The following ESR1 variants were observed in gnomAD, a reference collection of about 807,000 sequenced individuals.
The protein encoded by ESR1 is estrogen receptor 1, also known as estrogen receptor.
In ESR1, 12 loss-of-function variants were observed where a neutral mutation model predicts 52.7. The ratio of observed to expected loss-of-function variants is 0.23; its 90% CI spans 0.15 to 0.37. The LOEUF is 0.37. ESR1 is among the 10% of genes least tolerant of loss of function. ESR1 has a pLI of 1.00. For synonymous variants in ESR1, 305 were observed against 316.8 expected, an observed-to-expected ratio of 0.96 and a Z score of 0.39; for missense variants, 584 against 779.7, an observed-to-expected ratio of 0.75 and a Z score of 2.99.
chr6:152,021,432 C>T (rs935772834), intron 5 of ESR1, among the ~76,000 whole-genome samples: 4 of 151,988 alleles, frequency 2.6e-5, no homozygotes, highest in African/African-American at 9.7e-5. Context: ...TAGTTCTGTC[C>T]CTCTAGAGAA....
At chr6:151,878,689 G>T (rs1353566031) in intron 2 of ESR1, among the ~76,000 whole-genome samples, 1 of 152,168 alleles carries the variant, frequency 6.6e-6, no homozygotes, top group Non-Finnish European at 1.5e-5. Context: ...TATATATTCA[G>T]TTTTGGGGTG....
rs144827610 is a variant in ESR1, at chr6:152,117,874, G to A, written c.851-7392G>A. Reference sequence around the variant, plus strand: ...GGGAATTGAAGAATAAAAGTCCTTCGCTTTCAGTTTCATTATCTTTGGGTG... The same window carrying A: ...GGGAATTGAAGAATAAAAGTCCTTCACTTTCAGTTTCATTATCTTTGGGTG... On this transcript the variant is annotated intron_variant, in intron 6 of 6. Coordinates refer to the ESR1 transcript ENST00000427531. Among the ~76,000 whole-genome samples the A allele has an allele frequency of 2.0e-3, 300 of 152,236 alleles. 1 individual carries two copies. Among genetic ancestry groups the A allele is most frequent in the African/African-American group, 6.6e-3 (275 of 41,532 alleles).
chr6:151,836,713 C>CA (rs1783392315), intron 1 of ESR1, among the ~76,000 whole-genome samples: 1 of 152,118 alleles, frequency 6.6e-6, no homozygotes. Flanking sequence ...TGGTAAGTGC[C>CA]ATGAAAAACA....
At chr6:152,026,906 A>G (rs1275474499) in intron 5 of ESR1, among the ~76,000 whole-genome samples, 3 of 151,846 alleles carry the variant, frequency 2.0e-5, no homozygotes, top group Admixed American at 1.3e-4. Context: ...ATATCAATTT[A>G]CTTCCAGCAC....
At chr6:151,694,788 A>T (rs992804262) in intron 1 of ESR1, among the ~76,000 whole-genome samples, 1 of 125,688 alleles carries the variant, frequency 8.0e-6, no homozygotes, top group African/African-American at 3.2e-5. Flanking sequence ...CTGCATCTAA[A>T]AAAAGACAAA....
intron 2 of ESR1, among the ~76,000 whole-genome samples, chr6:151,754,176 A>G (rs1784109033): frequency 6.6e-6 from 1 of 152,222 alleles, no homozygotes; most frequent in Admixed American, 6.5e-5. Context: ...AAAAGAAGCA[A>G]ACGTTTATTT....
At chr6:151,829,774 A>G (rs183611161) in intron 1 of ESR1, among the ~76,000 whole-genome samples, 1 of 152,324 alleles carries the variant, frequency 6.6e-6, no homozygotes, top group East Asian at 1.9e-4. Context: ...AGATGAAGAA[A>G]CTGAGGTGCA....
intron 2 of ESR1, among the ~76,000 whole-genome samples, chr6:151,732,548 G>GTGTGTGTC (rs1554246436): frequency 2.0e-5 from 3 of 151,968 alleles, no homozygotes; most frequent in African/African-American, 7.3e-5. Context: ...GTGTGTGTGT[G>GTGTGTGTC]TGTGTGTGTG....
chr6:151,687,192 T>C (rs1651206441), upstream of ESR1, among the ~76,000 whole-genome samples: 1 of 152,218 alleles, frequency 6.6e-6, no homozygotes. Context: ...GTTGGGTGTC[T>C]CACCATGGTC....
At chr6:151,680,459 C>T (rs1778415877) in intron 1 of ESR1, among the ~76,000 whole-genome samples, 1 of 152,198 alleles carries the variant, frequency 6.6e-6, no homozygotes, top group Admixed American at 6.5e-5. Flanking sequence ...CTACCTCGAC[C>T]TCCCAAAATG....
rs139052164 is a variant in ESR1, at chr6:151,824,280, G to C, written c.452+15916G>C. Among the ~76,000 whole-genome samples, 441 of 152,294 alleles carry C rather than the reference G, an allele frequency of 2.9e-3. 6 individuals are homozygous for C. The highest frequency in any genetic ancestry group is 0.027 in the East Asian group (141 of 5,174). On this transcript the variant is annotated intron_variant, in intron 1 of 7. Coordinates refer to ENST00000206249, the MANE Select transcript of ESR1 (RefSeq NM_000125.4). The stretch of plus-strand genomic sequence containing the variant: ...CTGCATAAATGTCTTCTTTTCAGAA[G>C]TGTCTGTTCATATCCTTCGCCCACT...
chr6:151,988,203 A>G (rs903390884), intron 4 of ESR1, among the ~76,000 whole-genome samples: 4 of 152,124 alleles, frequency 2.6e-5, no homozygotes, highest in Non-Finnish European at 4.4e-5. Context: ...CATAGAATCA[A>G]TGGGAGCCTT....
At chr6:151,796,393 C>T (rs1001746418) in intron 2 of ESR1, among the ~76,000 whole-genome samples, 9 of 152,032 alleles carry the variant, frequency 5.9e-5, no homozygotes, top group African/African-American at 1.7e-4. Context: ...TAAAAACTGG[C>T]GACCTCAGCT....
intron 4 of ESR1, among the ~76,000 whole-genome samples, chr6:151,954,760 T>C (rs548283184): frequency 6.6e-6 from 1 of 152,362 alleles, no homozygotes; most frequent in South Asian, 2.1e-4. Context: ...AAAACATGCA[T>C]TCAAGTTCTA....
At chr6:151,910,376 A>G (rs1798088934) in intron 3 of ESR1, among the ~76,000 whole-genome samples, 1 of 152,212 alleles carries the variant, frequency 6.6e-6, no homozygotes, top group African/African-American at 2.4e-5. Context: ...TAACAATTAT[A>G]AATATATGAG....
chr6:151,742,443 G>GAA (rs971094861), intron 2 of ESR1, among the ~76,000 whole-genome samples: 3 of 152,122 alleles, frequency 2.0e-5, no homozygotes, highest in African/African-American at 7.2e-5. Context: ...TTTGGTAATA[G>GAA]AAGGGCAGGG....
chr6:151,707,281 G>T (rs532180394), intron 2 of ESR1, among the ~76,000 whole-genome samples: 3 of 152,060 alleles, frequency 2.0e-5, no homozygotes, highest in Non-Finnish European at 4.4e-5. Flanking sequence ...ATCAGCTATA[G>T]ATAATCACTA....
chr6:151,981,739 T>G (rs1324750711), intron 4 of ESR1, among the ~76,000 whole-genome samples: 2 of 152,230 alleles, frequency 1.3e-5, no homozygotes, highest in African/African-American at 4.8e-5. Context: ...TGAACTATAT[T>G]GAACTTTAGA....
At chr6:151,916,747 G>A (rs1050526258) in intron 3 of ESR1, among the ~76,000 whole-genome samples, 5 of 152,116 alleles carry the variant, frequency 3.3e-5, no homozygotes, top group Non-Finnish European at 7.4e-5. Flanking sequence ...CACTAGATAA[G>A]ACATAAGTTT....
Sources: allele counts gnomAD v4.1 joint callset (sites outside exome capture counted in the v4.1 genomes callset), GRCh38; gene constraint gnomAD v4.1.1; transcripts MANE v1.5; gene names NCBI Gene and HGNC (gene_info 2026-07-23, HGNC 2026-07-21).